Variants in OTUD7A observed in about 807,000 individuals in gnomAD.
OTUD7A encodes OTU deubiquitinase 7A, also known as OTU domain-containing protein 7A.
A neutral mutation model predicts 65.7 loss-of-function variants in OTUD7A; 12 were observed. The observed-to-expected ratio is 0.18, with a 90% CI of 0.12 to 0.30. The LOEUF (loss-of-function observed/expected upper bound fraction) is 0.30. OTUD7A is among the 10% of genes least tolerant of loss of function. OTUD7A has a pLI of 1.00. For missense variants in OTUD7A, 1,148 were observed against 1,304.8 expected (o/e 0.88, Z 1.85); for synonymous variants, 641 against 586.3 (o/e 1.09, Z -1.35).
chr15:31,814,989 C>T (rs567698567), intron 1 of OTUD7A, among the ~76,000 whole-genome samples: 1 of 152,188 alleles, frequency 6.6e-6, no homozygotes, highest in African/African-American at 2.4e-5. Flanking sequence ...AGTCCTGAAG[C>T]TCCCACATTG....
At position 31,570,105 on chromosome 15, in the gene OTUD7A, G is replaced by A. The variant is rs772302638; in HGVS notation, c.244C>T (p.Arg82Trp). 1.1e-5 allele frequency: 18 copies of A among 1,614,026 alleles called. No individual in the cohort carries two copies. The highest frequency in any genetic ancestry group is 1.6e-4 in the Middle Eastern group (1 of 6,078). Residue 82 changes from arginine (R) to tryptophan (W), a missense_variant, in exon 4 of 13, where the codon CGG becomes TGG. This residue lies in a region of OTUD7A where 51 missense variants were observed against 46.9 expected (regional missense o/e 1.09). Coordinates refer to ENST00000307050, the MANE Select transcript of OTUD7A (RefSeq NM_001382637.1). ...ANLPHVFNEG[R>W]GPKQPEREPQ... ...TCTCGCTCTGGCTGCTTGGGACCCC[G>A]CCCTTCATTGAACACATGTGGCAGA... is the stretch of plus-strand genomic sequence containing the variant.
intron 1 of OTUD7A, among the ~76,000 whole-genome samples, chr15:31,662,190 G>A (rs1892183770): frequency 6.6e-6 from 1 of 152,184 alleles, no homozygotes; most frequent in African/African-American, 2.4e-5. Flanking sequence ...TATACTGGCA[G>A]CATAATTCTT....
intron 10 of OTUD7A, among the ~76,000 whole-genome samples, chr15:31,495,511 T>C (rs2041370565): frequency 6.6e-6 from 1 of 152,118 alleles, no homozygotes; most frequent in Non-Finnish European, 1.5e-5. Flanking sequence ...CAACCCCAGC[T>C]CCTCGGCCTC....
chr15:31,619,588 G>C (rs553201808), intron 3 of OTUD7A, among the ~76,000 whole-genome samples: 54 of 151,778 alleles, frequency 3.6e-4, no homozygotes, highest in African/African-American at 1.3e-3. Flanking sequence ...TGGTGCATAA[G>C]AATGCTTGTG....
At chr15:31,861,403 T>A (rs7175891) in intron 1 of OTUD7A, among the ~76,000 whole-genome samples, 90,512 of 152,064 alleles carry the variant, frequency 0.6, 27,202 homozygotes, top group East Asian at 0.69. Flanking sequence ...CTGGCTCACC[T>A]GTATCCACTC....
intron 1 of OTUD7A, among the ~76,000 whole-genome samples, chr15:31,778,240 G>C (rs559267225): frequency 4.6e-4 from 70 of 152,274 alleles, no homozygotes; most frequent in Admixed American, 3.5e-3. Flanking sequence ...AGGAATTCCG[G>C]GGGTCAGCAG....
chr15:31,688,835 C>A (rs1892901259), intron 1 of OTUD7A, among the ~76,000 whole-genome samples: 1 of 150,656 alleles, frequency 6.6e-6, no homozygotes, highest in Non-Finnish European at 1.5e-5. Flanking sequence ...GTTCACTTTT[C>A]TATTCCTTCA....
chr15:31,660,899 T>C (rs1427064992), intron 1 of OTUD7A, among the ~76,000 whole-genome samples: 1 of 152,232 alleles, frequency 6.6e-6, no homozygotes, highest in Non-Finnish European at 1.5e-5. Flanking sequence ...CAGTGGGCAG[T>C]GCTGGGACAC....
At chr15:31,524,809 T>C (rs1024816087) in intron 8 of OTUD7A, among the ~76,000 whole-genome samples, 1 of 152,150 alleles carries the variant, frequency 6.6e-6, no homozygotes, top group Admixed American at 6.5e-5. Context: ...ATCCTTTTGT[T>C]AGATTAAGGT....
chr15:31,647,197 GT>G (rs56270725), intron 3 of OTUD7A, among the ~76,000 whole-genome samples: 9,229 of 152,210 alleles, frequency 0.061, 436 homozygotes, highest in Non-Finnish European at 0.08. Context: ...ATCACACCTT[GT>G]GGTCGAGTGT....
chr15:31,663,625 T>C (rs1892234686), intron 1 of OTUD7A, among the ~76,000 whole-genome samples: 1 of 152,198 alleles, frequency 6.6e-6, no homozygotes, highest in South Asian at 2.1e-4. Flanking sequence ...GTTTCCTTTT[T>C]ATGGCTGCAT....
intron 3 of OTUD7A, among the ~76,000 whole-genome samples, chr15:31,585,143 G>A (rs1889491677): frequency 6.6e-6 from 1 of 152,194 alleles, no homozygotes; most frequent in South Asian, 2.1e-4. Flanking sequence ...TTGCTGGTTA[G>A]ATATGGGCCA....
In OTUD7A at chr15:31,570,101, C is replaced by A. The variant is rs879033998; in HGVS notation, c.248G>T (p.Gly83Val). 12 of 1,614,100 alleles carry A rather than the reference C, an allele frequency of 7.4e-6. No individual in the cohort carries two copies. In the South Asian group the frequency reaches 9.9e-5, roughly 13 times the overall value. The change falls in exon 4 of 13, where the codon GGT becomes GTT. Residue 83 changes from glycine (G) to valine (V), a missense_variant. Physicochemically the swap from Gly to Val is moderately radical, Grantham distance 109. This residue lies in a region of OTUD7A where 51 missense variants were observed against 46.9 expected (regional missense o/e 1.09). Coordinates refer to ENST00000307050, the MANE Select transcript of OTUD7A (RefSeq NM_001382637.1). Reference sequence around the variant, plus strand: ...TGGCTCTCGCTCTGGCTGCTTGGGACCCCGCCCTTCATTGAACACATGTGG... The same window carrying A: ...TGGCTCTCGCTCTGGCTGCTTGGGAACCCGCCCTTCATTGAACACATGTGG... Reference protein sequence around the residue: ...NLPHVFNEGRGPKQPEREPQP... With the variant: ...NLPHVFNEGRVPKQPEREPQP...
At chr15:31,774,258 G>A (rs926071074) in intron 1 of OTUD7A, among the ~76,000 whole-genome samples, 47 of 152,366 alleles carry the variant, frequency 3.1e-4, no homozygotes, top group African/African-American at 1.0e-3. Flanking sequence ...CCAGGAACAG[G>A]CTGAAGCAGG....
intron 3 of OTUD7A, among the ~76,000 whole-genome samples, chr15:31,596,313 G>C (rs1291680101): frequency 2.6e-5 from 4 of 152,238 alleles, no homozygotes; most frequent in African/African-American, 7.2e-5. Context: ...GCATGCATCA[G>C]TAGTTCACTG....
At chr15:31,610,908 C>G (rs1055567781) in intron 3 of OTUD7A, among the ~76,000 whole-genome samples, 1 of 151,586 alleles carries the variant, frequency 6.6e-6, no homozygotes, top group Non-Finnish European at 1.5e-5. Context: ...GGATTACAGG[C>G]GTGAGCCACC....
intron 10 of OTUD7A, among the ~76,000 whole-genome samples, chr15:31,499,618 G>A (rs1042714567): frequency 2.6e-5 from 4 of 152,256 alleles, no homozygotes; most frequent in Non-Finnish European, 1.5e-5. Flanking sequence ...AGGTCTAAGG[G>A]GGCACAAGGG....
At chr15:31,622,306 G>T (rs1445343470) in intron 3 of OTUD7A, among the ~76,000 whole-genome samples, 3 of 152,038 alleles carry the variant, frequency 2.0e-5, no homozygotes, top group Non-Finnish European at 2.9e-5. Flanking sequence ...TGTGAATGTT[G>T]GCCTGCCTTG....
Position 31,483,819 on chromosome 15 carries a change from C to T in OTUD7A, c.2277G>A (p.Ala759=), listed in dbSNP as rs2041180170. 4 of 992,642 alleles carry T rather than the reference C, an allele frequency of 4.0e-6. No individual in the cohort carries two copies. Among genetic ancestry groups the T allele is most frequent in the Non-Finnish European group, 4.8e-6 (4 of 836,038 alleles). The allele number at this position is 992,642 out of a possible 1,614,324, so 61.5% of individuals were successfully genotyped here. The change falls in exon 13 of 13, where the codon GCG becomes GCA. Residue 759 remains alanine, a synonymous_variant. Coordinates refer to ENST00000307050, the MANE Select transcript of OTUD7A (RefSeq NM_001382637.1). ...GGCCAGGCACTGGTCCGCTGGCGCTCGCACGCCGCGCGCCTCCCCCCGGGG... is the reference window on the plus strand; with the variant it reads ...GGCCAGGCACTGGTCCGCTGGCGCTTGCACGCCGCGCGCCTCCCCCCGGGG... The part of the protein sequence containing the change: ...TASPGGGARR[A]SASGPVPGRS...
Sources: allele counts gnomAD v4.1 joint callset (sites outside exome capture counted in the v4.1 genomes callset), GRCh38; gene constraint gnomAD v4.1.1; regional missense constraint gnomAD v4.1.1; transcripts MANE v1.5; gene names NCBI Gene and HGNC (gene_info 2026-07-23, HGNC 2026-07-21).